The following ANK1 variants were observed in gnomAD, a reference collection of about 807,000 sequenced individuals.
ANK1 encodes the protein ankyrin-1.
Under a neutral mutation model 210.4 loss-of-function variants are expected in ANK1, and 51 were observed. The observed-to-expected ratio is 0.24, with a 90% CI of 0.19 to 0.31. The LOEUF is 0.31. ANK1 is among the 10% of genes least tolerant of loss of function. The pLI, the probability that ANK1 is intolerant of heterozygous loss-of-function variation, is 1.00. For synonymous variants in ANK1, 967 were observed against 1,025.9 expected, an observed-to-expected ratio of 0.94 and a Z score of 1.10; for missense variants, 2,051 against 2,504.4, an observed-to-expected ratio of 0.82 and a Z score of 3.86.
intron 1 of ANK1, among the ~76,000 whole-genome samples, chr8:41,793,252 C>T (rs1848112844): frequency 6.6e-6 from 1 of 152,156 alleles, no homozygotes; most frequent in South Asian, 2.1e-4. Context: ...GAGGTGCACA[C>T]ACCTGCAGTC....
intron 24 of ANK1, chr8:41,697,683 G>A (rs1821469478): frequency 5.4e-6 from 2 of 372,606 alleles, no homozygotes; most frequent in Admixed American, 7.4e-5. Flanking sequence ...TGTCCGGGGT[G>A]CACAGCAGGA....
At chr8:41,767,672 CGCGGGCGGGGGT>C (rs1490542717) in intron 1 of ANK1, among the ~76,000 whole-genome samples, 1 of 152,086 alleles carries the variant, frequency 6.6e-6, no homozygotes, top group Non-Finnish European at 1.5e-5. Context: ...CGCGCGGGGG[CGCGGGCGGGGGT>C]GCAGCCCCAG....
intron 24 of ANK1, among the ~76,000 whole-genome samples, chr8:41,697,027 G>C (rs1452150945): frequency 6.6e-6 from 1 of 152,172 alleles, no homozygotes; most frequent in African/African-American, 2.4e-5. Context: ...GGTGGAGCCA[G>C]TCCTCACTGT....
chr8:41,728,058 C>CG, intron 3 of ANK1, 52 bp from the exon 4 acceptor site: 1 of 1,582,584 alleles, frequency 6.3e-7, no homozygotes, highest in Non-Finnish European at 8.7e-7. Context: ...GGGCCCGCTA[C>CG]GGGACCAGCA....
intron 1 of ANK1, among the ~76,000 whole-genome samples, chr8:41,853,681 C>T (rs1563911317): frequency 1.3e-5 from 2 of 152,164 alleles, no homozygotes; most frequent in Non-Finnish European, 2.9e-5. Context: ...ATAACAGATA[C>T]CTATAGAGGC....
At chr8:41,883,440 ATGTTTGTTTGTT>A (rs10544043) in intron 1 of ANK1, among the ~76,000 whole-genome samples, 291 of 150,238 alleles carry the variant, frequency 1.9e-3, no homozygotes, top group African/African-American at 6.3e-3. Context: ...GAAGGATCTC[ATGTTTGTTTGTT>A]TGTTTGTTTG....
intron 9 of ANK1, among the ~76,000 whole-genome samples, chr8:41,720,527 C>T (rs1586435362): frequency 1.3e-5 from 2 of 152,164 alleles, no homozygotes; most frequent in South Asian, 4.1e-4. Context: ...TAATTCAACA[C>T]ATATCTATCA....
At chr8:41,862,601 G>A (rs1386210918) in intron 1 of ANK1, among the ~76,000 whole-genome samples, 1 of 136,928 alleles carries the variant, frequency 7.3e-6, no homozygotes, top group African/African-American at 2.7e-5. Context: ...ATTTTCAAGT[G>A]AAAATTCCTT....
intron 39 of ANK1, chr8:41,665,385 G>T: frequency 1.2e-6 from 1 of 833,760 alleles, no homozygotes; most frequent in Non-Finnish European, 1.7e-6. Flanking sequence ...AGCACTGAAA[G>T]CACAAGTGAA....
intron 17 of ANK1, among the ~76,000 whole-genome samples, chr8:41,707,512 G>A (rs1824920260): frequency 6.6e-6 from 1 of 152,212 alleles, no homozygotes; most frequent in Non-Finnish European, 1.5e-5. Context: ...CTGCAGGCAG[G>A]CGGGGGTGGC....
chr8:41,804,780 G>A (rs1850671871), intron 1 of ANK1, among the ~76,000 whole-genome samples: 1 of 152,122 alleles, frequency 6.6e-6, no homozygotes. Context: ...GCTTGGCACT[G>A]GCTTAGAGTG....
In ANK1 at chr8:41,792,052, C is replaced by T. The variant is rs116433469; in HGVS notation, c.27+5460G>A. 6.5e-3 allele frequency among the ~76,000 whole-genome samples: 983 copies of T among 152,344 alleles called. 9 individuals are homozygous for T. Among genetic ancestry groups the T allele is most frequent in the African/African-American group, 0.021 (873 of 41,574 alleles). On this transcript the variant is annotated intron_variant, in intron 1 of 42. Coordinates refer to ENST00000289734, the MANE Select transcript of ANK1 (RefSeq NM_000037.4). Reference sequence around the variant, plus strand: ...TAATAGGTTTCAGCAGCTGCTCAGCCGGGCCCATTAGCAGCAGTCAGCCTT... The same window carrying T: ...TAATAGGTTTCAGCAGCTGCTCAGCTGGGCCCATTAGCAGCAGTCAGCCTT...
rs747508832 is a variant in ANK1 at position 41,684,643 on chromosome 8, C to T, written c.4438G>A (p.Val1480Met). 29 of 1,613,720 alleles carry T rather than the reference C, an allele frequency of 1.8e-5. No individual in the cohort carries two copies. In the East Asian group the frequency reaches 4.9e-4, roughly 27 times the overall value. Residue 1480 changes from valine to methionine, a missense_variant, in exon 37 of 43, where the codon GTG becomes ATG. By Grantham distance (21) the Val-to-Met change is conservative (BLOSUM62 1). Transcript: ENST00000289734. ...CGGCCGGAACCCTCCAGCATGTTCACGATCTCGCCACGGTCAATGCTCTGC... is the reference window on the plus strand; with the variant it reads ...CGGCCGGAACCCTCCAGCATGTTCATGATCTCGCCACGGTCAATGCTCTGC... ...ALQSIDRGEIVNMLEGSGRQS... is the reference protein window; with the variant it reads ...ALQSIDRGEIMNMLEGSGRQS...
chr8:41,836,437 G>T (rs911317440), intron 1 of ANK1, among the ~76,000 whole-genome samples: 2 of 152,248 alleles, frequency 1.3e-5, no homozygotes, highest in African/African-American at 4.8e-5. Context: ...CATTGTGGCT[G>T]CAGGCACCCT....
rs761911111 is a variant in ANK1, at chr8:41,694,608, A to G, written c.3311T>C (p.Val1104Ala). Residue 1104 changes from valine to alanine, a missense_variant, in exon 28 of 43, where the codon GTG (valine) becomes GCG (alanine). By Grantham distance (64) the Val-to-Ala change is moderately conservative. Around this residue, in one of 6 missense-constraint regions of ANK1, gnomAD observed 1,413 missense variants for 1,707.4 expected, o/e 0.83. Coordinates refer to ENST00000289734, the MANE Select transcript of ANK1 (RefSeq NM_000037.4). The surrounding 1 kb of genome is among the most constrained non-coding windows in gnomAD (Gnocchi z 5.7). ...GGCTGTCACCTGCAGAGCCAGCTTC[A>G]CTCTCTTGGTGACGGCATTCTCCGG... ...TFPENAVTKR[V>A]KLALQAQPVP... The G allele has an allele frequency of 6.2e-7, 1 of 1,612,734 alleles. No individual in the cohort carries two copies. The highest frequency in any genetic ancestry group is 1.1e-5 in the South Asian group (1 of 90,910).
At chr8:41,765,364 C>T (rs1841533609) in intron 1 of ANK1, among the ~76,000 whole-genome samples, 1 of 151,800 alleles carries the variant, frequency 6.6e-6, no homozygotes, top group Non-Finnish European at 1.5e-5. Context: ...TCAACACCCC[C>T]TTCCCCCGAA....
chr8:41,706,337 C>T (rs781168111), intron 17 of ANK1, 96 bp from the exon 18 acceptor site: 1 of 1,081,552 alleles, frequency 9.2e-7, no homozygotes, highest in South Asian at 1.3e-5. Context: ...GCTAACTTTG[C>T]AGTCACCAAC....
At chr8:41,675,394 G>A (rs779436014) in intron 37 of ANK1, among the ~76,000 whole-genome samples, 2 of 152,202 alleles carry the variant, frequency 1.3e-5, no homozygotes, top group Non-Finnish European at 2.9e-5. Flanking sequence ...ACTGAGCCCG[G>A]CCACTGAGCG....
chr8:41,808,566 G>A (rs1482518247), intron 1 of ANK1, among the ~76,000 whole-genome samples: 1 of 152,078 alleles, frequency 6.6e-6, no homozygotes, highest in Non-Finnish European at 1.5e-5. Context: ...TTGGGAGTCT[G>A]AGGCAGGAGA....
Sources: allele counts gnomAD v4.1 joint callset (sites outside exome capture counted in the v4.1 genomes callset), GRCh38; gene constraint gnomAD v4.1.1; regional missense constraint gnomAD v4.1.1; non-coding constraint Gnocchi (gnomAD v3.1); transcripts MANE v1.5; gene names NCBI Gene and HGNC (gene_info 2026-07-23, HGNC 2026-07-21).